EXOC6: variants seen among roughly 807,000 people sequenced by gnomAD.
EXOC6 encodes the protein SEC15-like 1.
A neutral mutation model predicts 112.5 loss-of-function variants in EXOC6; 60 were observed. The observed-to-expected ratio is 0.53, with a 90% CI of 0.43 to 0.66. The LOEUF (loss-of-function observed/expected upper bound fraction) is 0.66. Among genes scored for constraint, EXOC6 ranks in the 30% least tolerant of loss-of-function variants. EXOC6 has a pLI of 0.00. For missense variants in EXOC6, 855 were observed against 957.1 expected, an observed-to-expected ratio of 0.89 and a Z score of 1.41; for synonymous variants, 295 against 308.0, an observed-to-expected ratio of 0.96 and a Z score of 0.44.
At chr10:92,879,286 A>G (rs964226021) in intron 1 of EXOC6, among the ~76,000 whole-genome samples, 11 of 152,172 alleles carry the variant, frequency 7.2e-5, no homozygotes, top group Non-Finnish European at 1.3e-4. Flanking sequence ...TGGGCAACGT[A>G]GGGAGACTGT....
At chr10:93,044,643 T>G (rs1845923355) in intron 20 of EXOC6, among the ~76,000 whole-genome samples, 2 of 152,192 alleles carry the variant, frequency 1.3e-5, no homozygotes, top group Non-Finnish European at 2.9e-5. Flanking sequence ...GAGATTTGAC[T>G]CTGAAATTTA....
chr10:92,977,666 C>T (rs10882135), intron 18 of EXOC6, among the ~76,000 whole-genome samples: 47,772 of 151,876 alleles, frequency 0.31, 8,260 homozygotes, highest in East Asian at 0.73. Flanking sequence ...AACACATGTA[C>T]GTGCTTGCAG....
intron 1 of EXOC6, among the ~76,000 whole-genome samples, chr10:92,882,773 A>C (rs1354334324): frequency 6.6e-6 from 1 of 152,164 alleles, no homozygotes. Flanking sequence ...CGGTGTTTCA[A>C]GTCTCACTTC....
At chr10:92,911,621 A>G (rs1292430686) in intron 6 of EXOC6, among the ~76,000 whole-genome samples, 1 of 152,182 alleles carries the variant, frequency 6.6e-6, no homozygotes, top group Non-Finnish European at 1.5e-5. Flanking sequence ...CTGGGAGAGA[A>G]TAGACTCTCT....
At chr10:92,916,492 A>C (rs549234883) in intron 7 of EXOC6, among the ~76,000 whole-genome samples, 37 of 152,334 alleles carry the variant, frequency 2.4e-4, no homozygotes, top group Admixed American at 1.4e-3. Context: ...CCTGGGAGAC[A>C]GAGTGAGACC....
chr10:92,848,915 C>T (rs995377536), intron 1 of EXOC6, among the ~76,000 whole-genome samples: 11 of 152,102 alleles, frequency 7.2e-5, no homozygotes, highest in African/African-American at 2.7e-4. Flanking sequence ...CCGGGCCCCG[C>T]GCTGCGGCCC....
intron 20 of EXOC6, among the ~76,000 whole-genome samples, chr10:93,042,355 T>C (rs971451092): frequency 6.6e-6 from 1 of 152,242 alleles, no homozygotes; most frequent in African/African-American, 2.4e-5. Context: ...TATACATATG[T>C]CCATCTGTGT....
chr10:92,977,401 A>G (rs1842667133), intron 18 of EXOC6, among the ~76,000 whole-genome samples: 1 of 152,188 alleles, frequency 6.6e-6, no homozygotes, highest in African/African-American at 2.4e-5. Flanking sequence ...AGAGATTGTC[A>G]TCATGGATCT....
At chr10:92,828,191 A>G (rs531610665) in intron 1 of EXOC6, among the ~76,000 whole-genome samples, 9 of 152,204 alleles carry the variant, frequency 5.9e-5, no homozygotes, top group Non-Finnish European at 1.2e-4. Flanking sequence ...TTTCTTACCA[A>G]TCTTTACGTC....
intron 20 of EXOC6, among the ~76,000 whole-genome samples, chr10:93,033,276 T>C (rs142790948): frequency 1.3e-5 from 2 of 152,314 alleles, no homozygotes; most frequent in East Asian, 3.9e-4. Context: ...CTACAGATGA[T>C]AGAATTGCTG....
chr10:93,030,303 C>T (rs1050073387), intron 20 of EXOC6, among the ~76,000 whole-genome samples: 2 of 151,668 alleles, frequency 1.3e-5, no homozygotes, highest in African/African-American at 2.4e-5. Flanking sequence ...TGAGCTCAGG[C>T]AATCTGCCTG....
intron 7 of EXOC6, among the ~76,000 whole-genome samples, chr10:92,918,640 T>A (rs755275789): frequency 2.0e-5 from 3 of 152,162 alleles, no homozygotes; most frequent in Non-Finnish European, 2.9e-5. Context: ...TCCAGGCTGG[T>A]CTTGAACTCC....
At chr10:92,833,975 C>A (rs1396857050), upstream of EXOC6, among the ~76,000 whole-genome samples, 2 of 152,004 alleles carry the variant, frequency 1.3e-5, no homozygotes, top group East Asian at 3.9e-4. Flanking sequence ...CTTTCTTCCT[C>A]TCCATCAAAA....
intron 19 of EXOC6, among the ~76,000 whole-genome samples, chr10:92,998,203 T>C (rs1245348626): frequency 6.6e-6 from 1 of 152,210 alleles, no homozygotes; most frequent in Non-Finnish European, 1.5e-5. Context: ...CCTTGTTACA[T>C]GTGCTTTTGG....
intron 14 of EXOC6, among the ~76,000 whole-genome samples, chr10:92,950,879 C>T (rs1461713098): frequency 3.9e-5 from 6 of 152,056 alleles, no homozygotes; most frequent in Admixed American, 2.6e-4. Flanking sequence ...TAGATTTTTG[C>T]ATTTATCTTG....
intron 13 of EXOC6, among the ~76,000 whole-genome samples, chr10:92,941,557 C>T (rs1384244511): frequency 2.0e-5 from 3 of 152,018 alleles, no homozygotes; most frequent in Non-Finnish European, 4.4e-5. Context: ...ATTATACTTG[C>T]TTGTAGTTCT....
At chr10:92,995,854 AGTTTTTCACT>A (rs1843460501) in intron 18 of EXOC6, among the ~76,000 whole-genome samples, 1 of 152,170 alleles carries the variant, frequency 6.6e-6, no homozygotes, top group Non-Finnish European at 1.5e-5. Flanking sequence ...TCACATATGC[AGTTTTTCACT>A]GTGCATAGTG....
chr10:92,840,100 G>A (rs79416920), intron 1 of EXOC6, among the ~76,000 whole-genome samples: 315 of 147,684 alleles, frequency 2.1e-3, no homozygotes, highest in African/African-American at 7.5e-3. Context: ...AAGATAACGT[G>A]CTTTTAGGAA....
At chr10:92,958,595 A>G (rs1853819766) in intron 17 of EXOC6, among the ~76,000 whole-genome samples, 2 of 152,332 alleles carry the variant, frequency 1.3e-5, no homozygotes, top group Non-Finnish European at 2.9e-5. Context: ...CTTATGGAGC[A>G]AGGACATGGT....
Sources: allele counts gnomAD v4.1 joint callset (sites outside exome capture counted in the v4.1 genomes callset), GRCh38; gene constraint gnomAD v4.1.1; transcripts MANE v1.5; gene names NCBI Gene and HGNC (gene_info 2026-07-23, HGNC 2026-07-21).